PPFIBP2: variants seen among roughly 807,000 people sequenced by gnomAD.
PPFIBP2 encodes liprin-beta-2.
Under a neutral mutation model 118.3 loss-of-function variants are expected in PPFIBP2, and 118 were observed. That is an observed-to-expected ratio of 1.00 (90% CI 0.86 to 1.16). The LOEUF is 1.16. Among genes scored for constraint, PPFIBP2 ranks in the 50% most tolerant of loss-of-function variants. The probability of loss-of-function intolerance (pLI) is 0.00; values close to 1 mark genes in which losing one functional copy is unlikely to be tolerated. For synonymous variants in PPFIBP2, 414 were observed against 397.4 expected (o/e 1.04, Z -0.50); for missense variants, 1,195 against 1,073.1 (o/e 1.11, Z -1.59).
chr11:7,656,709 C>T (rs544688835), downstream of PPFIBP2: 138 of 1,289,724 alleles, frequency 1.1e-4, no homozygotes, highest in Middle Eastern at 2.1e-4. Context: ...ACTGACCCTT[C>T]GGCTGTGTCC....
intron 9 of PPFIBP2, 101 bp from the exon 10 acceptor site, chr11:7,629,358 A>C: frequency 8.6e-7 from 1 of 1,168,308 alleles, no homozygotes; most frequent in Non-Finnish European, 1.3e-6. Flanking sequence ...TCCACGTGGG[A>C]TTTCTTCTCC....
chr11:7,617,298 G>A (rs1376081833), intron 6 of PPFIBP2: 2 of 985,294 alleles, frequency 2.0e-6, no homozygotes, highest in Middle Eastern at 5.2e-4. Flanking sequence ...GTCACCTGTA[G>A]GAACCACACT....
At chr11:7,625,680 C>G (rs1424195635) in intron 7 of PPFIBP2, 97 bp from the exon 8 acceptor site, 5 of 926,718 alleles carry the variant, frequency 5.4e-6, no homozygotes, top group Non-Finnish European at 8.7e-6. Flanking sequence ...TCCTGATGCA[C>G]CCTGGTGCCT....
At chr11:7,578,320 T>C (rs2134960566) in intron 3 of PPFIBP2, among the ~76,000 whole-genome samples, 1 of 152,350 alleles carries the variant, frequency 6.6e-6, no homozygotes, top group South Asian at 2.1e-4. Flanking sequence ...TATGAATTTA[T>C]TTTCACACGA....
At chr11:7,597,911 A>G (rs191545404) in intron 5 of PPFIBP2, 8 of 451,786 alleles carry the variant, frequency 1.8e-5, no homozygotes, top group Non-Finnish European at 2.8e-5. Flanking sequence ...TGAGCTGGTT[A>G]GACAGATTCC....
intron 6 of PPFIBP2, among the ~76,000 whole-genome samples, chr11:7,617,950 T>C (rs1258366399): frequency 6.6e-6 from 1 of 152,164 alleles, no homozygotes; most frequent in Non-Finnish European, 1.5e-5. Flanking sequence ...ACTTTGCTGA[T>C]GGCAGGTGAT....
intron 1 of PPFIBP2, among the ~76,000 whole-genome samples, chr11:7,516,606 A>G (rs1849249012): frequency 6.6e-6 from 1 of 152,104 alleles, no homozygotes; most frequent in South Asian, 2.1e-4. Context: ...AGGTGGGCTG[A>G]GGCCTAAAAT....
chr11:7,635,505 A>G (rs772200215), intron 13 of PPFIBP2, 47 bp from the exon 14 acceptor site: 1 of 1,551,780 alleles, frequency 6.4e-7, no homozygotes, highest in Non-Finnish European at 8.9e-7. Flanking sequence ...TGAATAACAC[A>G]AGTCTCTTTT....
chr11:7,663,464 G>A, the PPFIBP2 span, among the ~76,000 whole-genome samples: 1 of 152,250 alleles, frequency 6.6e-6, no homozygotes, highest in South Asian at 2.1e-4. Flanking sequence ...CTGCTCAGGG[G>A]TCAGTGGTCA....
At chr11:7,559,710 G>A (rs1319249417) in intron 2 of PPFIBP2, among the ~76,000 whole-genome samples, 1 of 152,050 alleles carries the variant, frequency 6.6e-6, no homozygotes, top group Non-Finnish European at 1.5e-5. Context: ...GCAATACTTT[G>A]GGGTACTTTC....
intron 5 of PPFIBP2, among the ~76,000 whole-genome samples, chr11:7,609,500 T>C (rs1478277695): frequency 6.6e-6 from 1 of 152,230 alleles, no homozygotes; most frequent in Non-Finnish European, 1.5e-5. Context: ...TTCATATTAC[T>C]TCTAAGTGGG....
intron 5 of PPFIBP2, among the ~76,000 whole-genome samples, chr11:7,599,317 C>G (rs74051545): frequency 6.6e-6 from 1 of 152,096 alleles, no homozygotes; most frequent in Non-Finnish European, 1.5e-5. Flanking sequence ...AGAGCAAGAA[C>G]ATTTGAATAC....
At chr11:7,574,888 A>C (rs1299482916) in intron 3 of PPFIBP2, among the ~76,000 whole-genome samples, 1 of 152,178 alleles carries the variant, frequency 6.6e-6, no homozygotes, top group Non-Finnish European at 1.5e-5. Context: ...TTAAGGAAAA[A>C]CAAGGCTGAG....
chr11:7,641,655 T>G, intron 16 of PPFIBP2, 35 bp downstream of exon 16: 1 of 1,605,902 alleles, frequency 6.2e-7, no homozygotes, highest in East Asian at 2.2e-5. Context: ...TTATATTGCT[T>G]AGAATTTTTC....
chr11:7,646,096 C>T (rs1853010566), intron 17 of PPFIBP2, among the ~76,000 whole-genome samples: 1 of 152,142 alleles, frequency 6.6e-6, no homozygotes, highest in Admixed American at 6.5e-5. Flanking sequence ...GAGTGAGTAG[C>T]CCTCTAGATT....
intron 14 of PPFIBP2, among the ~76,000 whole-genome samples, chr11:7,636,754 T>TA (rs1217240737): frequency 3.9e-5 from 6 of 152,320 alleles, no homozygotes; most frequent in African/African-American, 1.4e-4. Flanking sequence ...TGCTCCAGAT[T>TA]AAAAGATTAA....
intron 2 of PPFIBP2, among the ~76,000 whole-genome samples, chr11:7,551,110 C>T (rs1852933938): frequency 6.6e-6 from 1 of 152,030 alleles, no homozygotes; most frequent in Non-Finnish European, 1.5e-5. Flanking sequence ...ATGTCCTGTT[C>T]TAGGTTAGGG....
At chr11:7,630,691 G>A (rs1215116356) in intron 10 of PPFIBP2, among the ~76,000 whole-genome samples, 1 of 149,502 alleles carries the variant, frequency 6.7e-6, no homozygotes, top group African/African-American at 2.5e-5. Flanking sequence ...GAGAGGTTTG[G>A]AGGCAGGGGT....
At chr11:7,521,940 G>A (rs1253353099) in intron 1 of PPFIBP2, among the ~76,000 whole-genome samples, 2 of 152,196 alleles carry the variant, frequency 1.3e-5, no homozygotes, top group Admixed American at 6.5e-5. Flanking sequence ...TGAAGATGGA[G>A]TCCCAGGCTG....
Sources: gnomAD v4.1 joint callset for allele counts (sites outside exome capture counted in the v4.1 genomes callset) on GRCh38, gnomAD v4.1.1 for gene constraint, MANE v1.5 for transcripts, NCBI Gene and HGNC (gene_info 2026-07-23, HGNC 2026-07-21) for gene names.